Variants in U2AF2 observed in about 807,000 individuals in gnomAD.
U2AF2 encodes the protein U2 small nuclear RNA auxiliary factor 2, also known as splicing factor U2AF 65 kDa subunit.
Under a neutral mutation model 52.6 loss-of-function variants are expected in U2AF2, and 6 were observed. The observed-to-expected ratio is 0.11, with a 90% CI of 0.06 to 0.23. The LOEUF (loss-of-function observed/expected upper bound fraction) is 0.23. Among genes scored for constraint, U2AF2 ranks in the 10% least tolerant of loss-of-function variants. The probability of loss-of-function intolerance (pLI) is 1.00; values close to 1 mark genes in which losing one functional copy is unlikely to be tolerated. For synonymous variants in U2AF2, 284 were observed against 258.2 expected (o/e 1.10, Z -0.96); for missense variants, 222 against 677.1 (o/e 0.33, Z 7.46).
At chr19:55,662,232 G>T in intron 5 of U2AF2, 1 of 356,072 alleles carries the variant, frequency 2.8e-6, no homozygotes. Flanking sequence ...GATTTTTTGG[G>T]GCCCCTGTGG....
intron 5 of U2AF2, 195 bp from the exon 6 acceptor site, chr19:55,662,307 T>G: frequency 2.2e-6 from 1 of 453,298 alleles, no homozygotes; most frequent in Non-Finnish European, 4.0e-6. Context: ...CCTCCCCATT[T>G]TCTCTCTTGC....
At chr19:55,672,711 A>C (rs914488084) in intron 11 of U2AF2, among the ~76,000 whole-genome samples, 4 of 151,492 alleles carry the variant, frequency 2.6e-5, no homozygotes, top group Non-Finnish European at 5.9e-5. Flanking sequence ...TCCATGTTCA[A>C]ATTTTTCTAT....
intron 7 of U2AF2, among the ~76,000 whole-genome samples, chr19:55,665,373 G>A (rs1030835194): frequency 8.4e-5 from 12 of 143,070 alleles, no homozygotes; most frequent in Non-Finnish European, 1.7e-4. Flanking sequence ...CTCCATGCAC[G>A]GCAGTTCTAC....
At chr19:55,666,949 C>T (rs1273786727) in intron 7 of U2AF2, among the ~76,000 whole-genome samples, 8 of 152,196 alleles carry the variant, frequency 5.3e-5, no homozygotes, top group African/African-American at 1.9e-4. Flanking sequence ...CAGTTTTTGC[C>T]TTCTGTGCTG....
chr19:55,655,805 A>G (rs1466156282), intron 1 of U2AF2, among the ~76,000 whole-genome samples: 3 of 152,234 alleles, frequency 2.0e-5, no homozygotes, highest in African/African-American at 7.2e-5. Flanking sequence ...TGTTTGGCAC[A>G]TGTTGCCTAA....
At chr19:55,655,992 G>A (rs958424065) in intron 1 of U2AF2, among the ~76,000 whole-genome samples, 5 of 152,182 alleles carry the variant, frequency 3.3e-5, no homozygotes, top group African/African-American at 1.2e-4. Context: ...TAAGAAAACA[G>A]GTTCTGAGGG....
At chr19:55,666,093 C>G (rs1984532828) in intron 7 of U2AF2, among the ~76,000 whole-genome samples, 1 of 152,194 alleles carries the variant, frequency 6.6e-6, no homozygotes, top group Admixed American at 6.5e-5. Flanking sequence ...GGCTGAGGAG[C>G]TTGACTCTTC....
At chr19:55,659,416 G>A (rs1423066765) in intron 2 of U2AF2, 71 bp downstream of exon 2, 6 of 1,401,670 alleles carry the variant, frequency 4.3e-6, no homozygotes, top group African/African-American at 3.0e-5. Flanking sequence ...CCTGTGGGTG[G>A]CCTGTGTGTG....
At position 55,672,233 on chromosome 19, in the gene U2AF2, GT is replaced by G. The variant is rs1453243011; in HGVS notation, c.1294-1696del. Among the ~76,000 whole-genome samples, 4 of 151,940 alleles carry G rather than the reference GT, an allele frequency of 2.6e-5. No homozygotes were observed. The East Asian group carries it at 7.7e-4, about 29-fold the overall frequency. On this transcript the variant is annotated intron_variant, in intron 11 of 11. Coordinates refer to ENST00000308924, the MANE Select transcript of U2AF2 (RefSeq NM_007279.3). ...AAAGTAGGGACTATGATAGTGATACGTTTTTATCATAGTATATGTGCTAATA... is the reference window on the plus strand; with the variant it reads ...AAAGTAGGGACTATGATAGTGATACGTTTTATCATAGTATATGTGCTAATA...
chr19:55,655,080 C>T lies in U2AF2; in HGVS notation c.-25C>T, dbSNP rs1181286719. On this transcript the variant is annotated 5_prime_UTR_variant, in exon 1 of 12. Coordinates refer to ENST00000308924, the MANE Select transcript of U2AF2 (RefSeq NM_007279.3). ...GCGGCAAGGCGAGGCGAAAGCTGCA[C>T]AGGGCCCTACGCGGCCGCCTCAGCA... The T allele has an allele frequency of 2.5e-6, 4 of 1,606,538 alleles. No individual in the cohort carries two copies. The highest frequency in any genetic ancestry group is 3.4e-6 in the Non-Finnish European group (4 of 1,177,720).
intron 5 of U2AF2, 24 bp from the exon 6 acceptor site, chr19:55,662,478 C>G: frequency 2.8e-6 from 4 of 1,425,898 alleles, no homozygotes; most frequent in African/African-American, 1.5e-5. Flanking sequence ...CCGCCCCCCC[C>G]CTTGTCTCCT....
intron 1 of U2AF2, among the ~76,000 whole-genome samples, chr19:55,656,617 C>T (rs763220406): frequency 6.6e-6 from 1 of 152,216 alleles, no homozygotes; most frequent in Non-Finnish European, 1.5e-5. Flanking sequence ...CCAGGCTCTT[C>T]GCTAAACTCT....
chr19:55,668,418 T>C lies in U2AF2; in HGVS notation c.743-89T>C, dbSNP rs960684427. On this transcript the variant is annotated intron_variant, in intron 7 of 11. Transcript: ENST00000308924. This position sits in a 1 kb window ranked among gnomAD's most constrained non-coding sequence, Gnocchi z 5.5. ...TCAGATCAGGCAGGAAGTGTTCTCTTTGGCAATTGAGGAGCTCGCCGTAGA... is the reference window on the plus strand; with the variant it reads ...TCAGATCAGGCAGGAAGTGTTCTCTCTGGCAATTGAGGAGCTCGCCGTAGA... 17 of 1,310,674 alleles carry C rather than the reference T, an allele frequency of 1.3e-5. No individual in the cohort carries two copies. The highest frequency in any genetic ancestry group is 3.8e-4 in the Middle Eastern group (2 of 5,208). 81.2% of individuals were successfully genotyped at this position (1,310,674 alleles called of 1,614,324 possible). A position where few individuals can be genotyped will look rare whatever the true frequency, so the allele number is the denominator to read the frequency against.
At chr19:55,670,710 G>A (rs1984862361) in intron 11 of U2AF2, 3 of 211,438 alleles carry the variant, frequency 1.4e-5, no homozygotes, top group Non-Finnish European at 1.9e-5. Flanking sequence ...TTGGAGGGCT[G>A]CCTGGGTCTT....
chr19:55,664,702 C>T (rs1043500382), intron 7 of U2AF2, among the ~76,000 whole-genome samples: 5 of 152,150 alleles, frequency 3.3e-5, no homozygotes, highest in African/African-American at 1.2e-4. Flanking sequence ...CCTCACTGGC[C>T]TCCAGTGCTT....
Position 55,655,041 on chromosome 19 carries a change from A to C in U2AF2, c.-64A>C. 1.9e-6 allele frequency: 3 copies of C among 1,590,432 alleles called. No homozygotes were observed. Among genetic ancestry groups the C allele is most frequent in the South Asian group, 1.1e-5 (1 of 89,732 alleles). The stretch of plus-strand genomic sequence containing the variant: ...CGAAGCCAGCGGCGGAAGTAGCCGA[A>C]GCGGCTGGAGCGGGCGGCAAGGCGA... On this transcript the variant is annotated 5_prime_UTR_variant, in exon 1 of 12. Transcript: ENST00000308924.
chr19:55,656,387 C>T (rs955036151), intron 1 of U2AF2, among the ~76,000 whole-genome samples: 20 of 152,232 alleles, frequency 1.3e-4, no homozygotes, highest in Admixed American at 1.0e-3. Context: ...GGGTCTGACT[C>T]TGTCTTAGTT....
intron 6 of U2AF2, 53 bp downstream of exon 6, chr19:55,662,671 A>G (rs1273282842): frequency 2.0e-6 from 3 of 1,506,884 alleles, no homozygotes; most frequent in Non-Finnish European, 2.8e-6. Context: ...GTGAGGGCCC[A>G]GCCCTTAGGC....
chr19:55,658,542 A>G (rs937256321), intron 1 of U2AF2, among the ~76,000 whole-genome samples: 1 of 152,042 alleles, frequency 6.6e-6, no homozygotes, highest in Non-Finnish European at 1.5e-5. Flanking sequence ...GAGAGATTCA[A>G]GTGGTTTGGG....
Sources: allele counts gnomAD v4.1 joint callset (sites outside exome capture counted in the v4.1 genomes callset), GRCh38; gene constraint gnomAD v4.1.1; non-coding constraint Gnocchi (gnomAD v3.1); transcripts MANE v1.5; gene names NCBI Gene and HGNC (gene_info 2026-07-23, HGNC 2026-07-21).